DOK3: variants seen among roughly 807,000 people sequenced by gnomAD.
DOK3 encodes docking protein 3.
A neutral mutation model predicts 26.2 loss-of-function variants in DOK3; 23 were observed. The observed-to-expected ratio is 0.88, with a 90% CI of 0.63 to 1.24. The LOEUF is 1.24. Ranked by LOEUF, DOK3 falls within the 50% of genes most tolerant of loss-of-function variation. DOK3 has a pLI of 0.00. For synonymous variants in DOK3, 268 were observed against 268.2 expected, an observed-to-expected ratio of 1.00 and a Z score of 0.01; for missense variants, 619 against 610.6, an observed-to-expected ratio of 1.01 and a Z score of -0.15.
Position 177,507,653 on chromosome 5 carries a change from C to T in DOK3, c.372+584G>A, listed in dbSNP as rs149220394. Among the ~76,000 whole-genome samples, 297 of 152,308 alleles carry T rather than the reference C, an allele frequency of 1.9e-3. 1 individual carries two copies. Among genetic ancestry groups the T allele is most frequent in the African/African-American group, 6.6e-3 (273 of 41,558 alleles). The stretch of plus-strand genomic sequence containing the variant: ...AGTGGACCTGTGGGCCACATGGTAA[C>T]TCTGTTTACCTCTTTGAAGAACCCC... On this transcript the variant is annotated intron_variant, in intron 3 of 5. Coordinates refer to ENST00000510898, the MANE Select transcript of DOK3 (RefSeq NM_001308236.3).
rs1329556008 is a variant in DOK3, at chr5:177,503,313, T to C, written c.*670A>G. ...TGAGTAGGCACGCAGCAAACTCTCA[T>C]CAAGGATTATGCCTGATACGTCATC... On this transcript the variant is annotated 3_prime_UTR_variant, in exon 6 of 6. Transcript: ENST00000510898. 1 of 1,551,370 alleles carries C rather than the reference T, an allele frequency of 6.4e-7. No individual in the cohort carries two copies. Among genetic ancestry groups the C allele is most frequent in the Non-Finnish European group, 8.7e-7 (1 of 1,146,690 alleles).
Position 177,503,869 on chromosome 5 carries a change from C to A in DOK3, c.*114G>T. On this transcript the variant is annotated 3_prime_UTR_variant, in exon 6 of 6. Transcript: ENST00000510898. ...CCACAGGCGGCCTGCCTTGTTCCTG[C>A]AGGCCAGGGTGGACACAGGCGTGTG... The A allele has an allele frequency of 2.1e-6, 3 of 1,437,752 alleles. No homozygotes were observed. The East Asian group carries it at 7.5e-5, about 36-fold the overall frequency. The allele number at this position is 1,437,752 out of a possible 1,614,324, so 89.1% of individuals were successfully genotyped here.
Position 177,505,026 on chromosome 5 carries a change from A to T in DOK3, c.457T>A (p.Ser153Thr). The T allele has an allele frequency of 6.2e-7, 1 of 1,610,140 alleles. No homozygotes were observed. Among genetic ancestry groups the T allele is most frequent in the Non-Finnish European group, 8.5e-7 (1 of 1,178,236 alleles). The stretch of plus-strand genomic sequence containing the variant: ...TCCAACTTACCTTCCTGCCAGGAGG[A>T]GTAGATGGAGTTTTCCTCCATGGGG... ...LVPMEENSIY[S>T]SWQEVGEFPV... is the part of the protein sequence containing the mutation. The change falls in exon 4 of 6, where the codon TCC becomes ACC. Residue 153 changes from serine (S) to threonine (T), a missense_variant. Ser to Thr is a moderately conservative substitution (Grantham distance 58). Transcript: ENST00000510898.
intron 2 of DOK3, 132 bp downstream of exon 2, chr5:177,509,343 G>A: frequency 8.1e-7 from 1 of 1,229,296 alleles, no homozygotes; most frequent in Admixed American, 2.4e-5. Flanking sequence ...CCCATACCTG[G>A]GTGGGATCCT....
intron 3 of DOK3, among the ~76,000 whole-genome samples, chr5:177,505,708 C>G (rs1561719418): frequency 6.6e-6 from 1 of 152,146 alleles, no homozygotes; most frequent in Non-Finnish European, 1.5e-5. Flanking sequence ...ATGGCGAGAT[C>G]TCGGCTGACT....
Position 177,504,333 on chromosome 5 carries a change from A to G in DOK3, c.973T>C (p.Tyr325His). Residue 325 changes from tyrosine (Y) to histidine (H), a missense_variant, in exon 6 of 6, where the codon TAC (tyrosine) becomes CAC (histidine). By Grantham distance (83) the Tyr-to-His change is moderately conservative. Coordinates refer to ENST00000510898, the MANE Select transcript of DOK3 (RefSeq NM_001308236.3). Reference protein sequence around the residue: ...PEPNDLASGLYASVCKRASGP... With the variant: ...PEPNDLASGLHASVCKRASGP... ...CTGGCACGCTTGCACACTGAAGCGT[A>G]GAGCCCGGACGCCAGATCGTTGGGC... The G allele has an allele frequency of 6.3e-7, 1 of 1,593,240 alleles. No homozygotes were observed. Among genetic ancestry groups the G allele is most frequent in the South Asian group, 1.1e-5 (1 of 88,528 alleles).
upstream of DOK3, chr5:177,509,931 A>C: frequency 6.4e-7 from 1 of 1,568,378 alleles, no homozygotes; most frequent in Non-Finnish European, 8.6e-7. Context: ...GCCTCCACCC[A>C]GGACCCTTCT....
rs369115360 is a variant in DOK3, at chr5:177,503,909, A to G, written c.*74T>C. 2.3e-5 allele frequency: 33 copies of G among 1,460,412 alleles called. No homozygotes were observed. Among genetic ancestry groups the G allele is most frequent in the South Asian group, 4.2e-5 (3 of 71,974 alleles). 90.5% of individuals were successfully genotyped at this position (1,460,412 alleles called of 1,614,324 possible). ...ACAGGCGTGTGTCTGCATGGGCCCAATGTTTGCCCACCAGCCCACCCTCCT... is the reference window on the plus strand; with the variant it reads ...ACAGGCGTGTGTCTGCATGGGCCCAGTGTTTGCCCACCAGCCCACCCTCCT... On this transcript the variant is annotated 3_prime_UTR_variant, in exon 6 of 6. Coordinates refer to ENST00000510898, the MANE Select transcript of DOK3 (RefSeq NM_001308236.3).
At chr5:177,507,069 G>A (rs927381691) in intron 3 of DOK3, among the ~76,000 whole-genome samples, 6 of 152,110 alleles carry the variant, frequency 3.9e-5, no homozygotes. Flanking sequence ...CCACATGGAA[G>A]CCCTGTACCC....
Position 177,509,533 on chromosome 5 carries a change from G to A in DOK3, c.8C>T (p.Pro3Leu). The A allele has an allele frequency of 1.2e-6, 2 of 1,610,944 alleles. No homozygotes were observed. Among genetic ancestry groups the A allele is most frequent in the Non-Finnish European group, 1.7e-6 (2 of 1,178,558 alleles). The stretch of plus-strand genomic sequence containing the variant: ...GCCATCCTTGATAGGGGTCTCCAGA[G>A]GGTCCATGGTCACGGCCAGGAGCAG... Reference protein sequence around the residue: MDPLETPIKDGIL... With the variant: MDLLETPIKDGIL... Residue 3 changes from proline (P) to leucine (L), a missense_variant, in exon 2 of 6, where the codon CCT becomes CTT. By Grantham distance (98) the Pro-to-Leu change is moderately conservative. Coordinates refer to ENST00000510898, the MANE Select transcript of DOK3 (RefSeq NM_001308236.3).
Position 177,504,033 on chromosome 5 carries a change from G to T in DOK3, c.1273C>A (p.Leu425Met). ...CCCTTCCTCCGCTCACGACTCAGCAGGGTCACCAGCTTGGCCTTGAAACCT... is the reference window on the plus strand; with the variant it reads ...CCCTTCCTCCGCTCACGACTCAGCATGGTCACCAGCTTGGCCTTGAAACCT... The part of the protein sequence containing the change: ...QAGFKAKLVT[L>M]LSRERRKGPA... The change falls in exon 6 of 6, where the codon CTG (leucine) becomes ATG (methionine). Residue 425 changes from leucine to methionine, a missense_variant. Physicochemically the swap from Leu to Met is conservative, Grantham distance 15. Coordinates refer to ENST00000510898, the MANE Select transcript of DOK3 (RefSeq NM_001308236.3). 6.3e-7 allele frequency: 1 copy of T among 1,588,918 alleles called. No homozygotes were observed.
In DOK3 at chr5:177,504,254, C is replaced by T; in HGVS notation, c.1052G>A (p.Ser351Asn). 1 of 1,610,358 alleles carries T rather than the reference C, an allele frequency of 6.2e-7. No individual in the cohort carries two copies. The highest frequency in any genetic ancestry group is 8.5e-7 in the Non-Finnish European group (1 of 1,178,358). The change falls in exon 6 of 6, where the codon AGC becomes AAC. Residue 351 changes from serine (S) to asparagine (N), a missense_variant. Transcript: ENST00000510898. ...LYENLCVLEA[S>N]PTLHGGEPEP... The stretch of plus-strand genomic sequence containing the variant: ...AGGTTCCCCACCGTGCAGCGTGGGG[C>T]TGGCCTCCAGCACACACAGGTTCTC...
intron 3 of DOK3, 43 bp downstream of exon 3, chr5:177,508,194 G>A (rs372101796): frequency 7.2e-7 from 1 of 1,379,464 alleles, no homozygotes; most frequent in East Asian, 2.7e-5. Flanking sequence ...CAAGTCGGGG[G>A]CAGGTGCCCC....
At chr5:177,507,036 A>G (rs1760282587) in intron 3 of DOK3, among the ~76,000 whole-genome samples, 1 of 152,134 alleles carries the variant, frequency 6.6e-6, no homozygotes, top group Admixed American at 6.5e-5. Flanking sequence ...GCCACTGTCT[A>G]GTTCCAGAAC....
rs892092962 is a variant in DOK3 at position 177,503,304 on chromosome 5, A to C, written c.*679T>G. 10 of 1,551,068 alleles carry C rather than the reference A, an allele frequency of 6.4e-6. No homozygotes were observed. The highest frequency in any genetic ancestry group is 8.7e-6 in the Non-Finnish European group (10 of 1,146,464). ...GCCTGGCACTGAGTAGGCACGCAGCAAACTCTCATCAAGGATTATGCCTGA... is the reference window on the plus strand; with the variant it reads ...GCCTGGCACTGAGTAGGCACGCAGCCAACTCTCATCAAGGATTATGCCTGA... On this transcript the variant is annotated 3_prime_UTR_variant, in exon 6 of 6. Coordinates refer to ENST00000510898, the MANE Select transcript of DOK3 (RefSeq NM_001308236.3).
In DOK3 at chr5:177,504,898, C is replaced by T. The variant is rs1454367069; in HGVS notation, c.490G>A (p.Val164Met). 2 of 1,590,690 alleles carry T rather than the reference C, an allele frequency of 1.3e-6. No individual in the cohort carries two copies. Among genetic ancestry groups the T allele is most frequent in the African/African-American group, 1.3e-5 (1 of 74,408 alleles). The change falls in exon 5 of 6, where the codon GTG becomes ATG. Residue 164 changes from valine (V) to methionine (M), a missense_variant. Val to Met is a conservative substitution (Grantham distance 21, BLOSUM62 1). Transcript: ENST00000510898. ...SWQEVGEFPV[V>M]VQRTEAATRC... ...GTGGCGGCCTCAGTCCTCTGCACCACCACGGGAAACTCGCCCACTGTGGCA... is the reference window on the plus strand; with the variant it reads ...GTGGCGGCCTCAGTCCTCTGCACCATCACGGGAAACTCGCCCACTGTGGCA...
chr5:177,504,363 G>A lies in DOK3; in HGVS notation c.943C>T (p.Pro315Ser), dbSNP rs1759747027. ...GPQSLPLLLGPEPNDLASGLY... is the reference protein window; with the variant it reads ...GPQSLPLLLGSEPNDLASGLY... The stretch of plus-strand genomic sequence containing the variant: ...CCGGACGCCAGATCGTTGGGCTCCG[G>A]GCCTAGCAGTAGCGGCAGGCTCTGG... Residue 315 changes from proline to serine, a missense_variant, in exon 6 of 6, where the codon CCG becomes TCG. Transcript: ENST00000510898. The A allele has an allele frequency of 1.3e-6, 2 of 1,572,812 alleles. No individual in the cohort carries two copies. Among genetic ancestry groups the A allele is most frequent in the South Asian group, 1.2e-5 (1 of 85,086 alleles).
rs761945335 is a variant in DOK3 at position 177,508,516 on chromosome 5, C to A, written c.93G>T (p.Leu31=). The A allele has an allele frequency of 1.9e-6, 3 of 1,571,842 alleles. No individual in the cohort carries two copies. Among genetic ancestry groups the A allele is most frequent in the Admixed American group, 1.8e-5 (1 of 55,684 alleles). The change falls in exon 3 of 6, where the codon CTG becomes CTT. Residue 31 remains leucine (L), a synonymous_variant. Transcript: ENST00000510898. Reference sequence around the variant, plus strand: ...CGCCTGATGGGCCTCCTGCATACAGCAGAGCCCACACCTTCCGCCAGCACT... The same window carrying A: ...CGCCTGATGGGCCTCCTGCATACAGAAGAGCCCACACCTTCCGCCAGCACT... ...GKKCWRKVWA[L]LYAGGPSGVA...
rs1406746631 is a variant in DOK3 at position 177,502,067 on chromosome 5, G to A, written c.*1916C>T. The A allele has an allele frequency of 6.6e-6, 1 of 152,278 alleles. No homozygotes were observed. Among genetic ancestry groups the A allele is most frequent in the Non-Finnish European group, 1.5e-5 (1 of 68,080 alleles). The allele number at this position is 152,278 out of a possible 1,614,324, so 9.4% of individuals were successfully genotyped here. A position where few individuals can be genotyped will look rare whatever the true frequency, so the allele number is the denominator to read the frequency against. ...CAGAGAAGGCAGCAGTAGAGGCTGG[G>A]AAGGAGATTGTTATGAGGTAGGAGG... is the stretch of plus-strand genomic sequence containing the variant. On this transcript the variant is annotated 3_prime_UTR_variant, in exon 6 of 6. Transcript: ENST00000510898.
Sources: gnomAD v4.1 joint callset for allele counts (sites outside exome capture counted in the v4.1 genomes callset) on GRCh38, gnomAD v4.1.1 for gene constraint, MANE v1.5 for transcripts, NCBI Gene and HGNC (gene_info 2026-07-23, HGNC 2026-07-21) for gene names.